Variants in BRF2 observed in about 807,000 individuals in gnomAD.
The protein encoded by BRF2 is transcription factor IIIB 50 kDa subunit.
A neutral mutation model predicts 26.6 loss-of-function variants in BRF2; 17 were observed. That is an observed-to-expected ratio of 0.64 (90% CI 0.44 to 0.96). The LOEUF is 0.96. Ranked by LOEUF, BRF2 falls within the 40% of genes least tolerant of loss-of-function variation. The pLI is 0.00. For missense variants in BRF2, 515 were observed against 537.0 expected, an observed-to-expected ratio of 0.96 and a Z score of 0.40; for synonymous variants, 219 against 226.6, an observed-to-expected ratio of 0.97 and a Z score of 0.30.
chr8:37,844,540 T>C lies in BRF2; in HGVS notation c.1210A>G (p.Arg404Gly), dbSNP rs1415560580. Residue 404 changes from arginine to glycine, a missense_variant, in exon 4 of 4, where the codon AGA becomes GGA. Arg to Gly is a moderately radical substitution (Grantham distance 125). Coordinates refer to ENST00000220659, the MANE Select transcript of BRF2 (RefSeq NM_018310.4). ...GCAGCCTGTCTAGCAGCCTGGGCTC[T>C]CTGAAAGTCCCTAACTTCCTGAGGG... ...RTPQEVRDFQ[R>G]AQAARQAATS... The C allele has an allele frequency of 4.3e-6, 7 of 1,613,726 alleles. No individual in the cohort carries two copies. The East Asian group carries it at 1.1e-4, about 26-fold the overall frequency.
chr8:37,849,753 C>T lies in BRF2; in HGVS notation c.31G>A (p.Gly11Ser), dbSNP rs1182398775. ...GAGTCTTCCACCAGCTCCGTGGAGC[C>T]GCAGTCCGGGCAGCGGCCTCTGCCT... MPGRGRCPDCGSTELVEDSHY... is the reference protein window; with the variant it reads MPGRGRCPDCSSTELVEDSHY... The change falls in exon 1 of 4, where the codon GGC becomes AGC. Residue 11 changes from glycine (G) to serine (S), a missense_variant. Physicochemically the swap from Gly to Ser is moderately conservative, Grantham distance 56. Coordinates refer to ENST00000220659, the MANE Select transcript of BRF2 (RefSeq NM_018310.4). 2.5e-6 allele frequency: 4 copies of T among 1,612,620 alleles called. No individual in the cohort carries two copies. Among genetic ancestry groups the T allele is most frequent in the South Asian group, 2.2e-5 (2 of 91,024 alleles).
At chr8:37,848,899 C>T (rs1463274715) in intron 1 of BRF2, among the ~76,000 whole-genome samples, 1 of 152,180 alleles carries the variant, frequency 6.6e-6, no homozygotes, top group African/African-American at 2.4e-5. Context: ...CAGTACATTC[C>T]ATACAGGCAA....
Position 37,844,439 on chromosome 8 carries a change from GAATGTTATCAA to G in BRF2, c.*40_*50del. On this transcript the variant is annotated 3_prime_UTR_variant, in exon 4 of 4. Coordinates refer to ENST00000220659, the MANE Select transcript of BRF2 (RefSeq NM_018310.4). ...ACACTTCCATCCTTGGTTATAACAG[GAATGTTATCAA>G]GCTGTCAGAACAGGATGAAGTGCTC... The G allele has an allele frequency of 6.3e-7, 1 of 1,583,594 alleles. No individual in the cohort carries two copies. Among genetic ancestry groups the G allele is most frequent in the Non-Finnish European group, 8.6e-7 (1 of 1,162,224 alleles).
At position 37,844,641 on chromosome 8, in the gene BRF2, C is replaced by T; in HGVS notation, c.1109G>A (p.Cys370Tyr). The T allele has an allele frequency of 6.2e-7, 1 of 1,614,124 alleles. No individual in the cohort carries two copies. The highest frequency in any genetic ancestry group is 1.1e-5 in the South Asian group (1 of 91,082). Reference protein sequence around the residue: ...PCMLKSPKRICPVPPVSTVTG... With the variant: ...PCMLKSPKRIYPVPPVSTVTG... ...GACAGTGGAGACAGGGGGTACAGGGCAGATCCGCTTCGGGGACTTCAACAT... is the reference window on the plus strand; with the variant it reads ...GACAGTGGAGACAGGGGGTACAGGGTAGATCCGCTTCGGGGACTTCAACAT... The change falls in exon 4 of 4, where the codon TGC (cysteine) becomes TAC (tyrosine). Residue 370 changes from cysteine (C) to tyrosine (Y), a missense_variant. By Grantham distance (194) the Cys-to-Tyr change is radical. Coordinates refer to ENST00000220659, the MANE Select transcript of BRF2 (RefSeq NM_018310.4).
In BRF2 at chr8:37,847,098, G is replaced by A; in HGVS notation, c.292C>T (p.Gln98Ter). 1 of 1,614,218 alleles carries A rather than the reference G, an allele frequency of 6.2e-7. No individual in the cohort carries two copies. Among genetic ancestry groups the A allele is most frequent in the Non-Finnish European group, 8.5e-7 (1 of 1,180,026 alleles). ...TFEDTAVAYY[Q>*]QAYRHSGIRA... Reference sequence around the variant, plus strand: ...ATGCCAGAGTGCCGATATGCCTGTTGGTAGTAGGCAACCGCGGTATCCTCA... The same window carrying A: ...ATGCCAGAGTGCCGATATGCCTGTTAGTAGTAGGCAACCGCGGTATCCTCA... The change falls in exon 3 of 4, where the codon CAA (glutamine) becomes TAA (stop). Residue 98 changes from glutamine (Q) to a stop codon, truncating the protein, a stop_gained. Transcript: ENST00000220659. LOFTEE classifies it high-confidence loss of function.
chr8:37,845,328 G>A, intron 3 of BRF2, 115 bp from the exon 4 acceptor site: 1 of 797,436 alleles, frequency 1.3e-6, no homozygotes, highest in Non-Finnish European at 2.1e-6. Context: ...GAATACTCAA[G>A]CTCACTGGGC....
rs1805900575 is a variant in BRF2 at position 37,844,110 on chromosome 8, C to T, written c.*380G>A. 4.4e-6 allele frequency: 1 copy of T among 229,748 alleles called. No individual in the cohort carries two copies. Among genetic ancestry groups the T allele is most frequent in the South Asian group, 8.1e-5 (1 of 12,320 alleles). The allele number at this position is 229,748 out of a possible 1,614,324, so 14.2% of individuals were successfully genotyped here. A position where few individuals can be genotyped will look rare whatever the true frequency, so the allele number is the denominator to read the frequency against. On this transcript the variant is annotated 3_prime_UTR_variant, in exon 4 of 4. Transcript: ENST00000220659. ...CCCGCTCCTCTGAGGGTTGATACTGCTGGGAATGCCAACCACTCCACAAGC... is the reference window on the plus strand; with the variant it reads ...CCCGCTCCTCTGAGGGTTGATACTGTTGGGAATGCCAACCACTCCACAAGC...
chr8:37,847,057 C>A lies in BRF2; in HGVS notation c.333G>T (p.Leu111=), dbSNP rs368718686. The change falls in exon 3 of 4, where the codon CTG becomes CTT. Residue 111 remains leucine (L), a synonymous_variant. Transcript: ENST00000220659. ...YRHSGIRAAR[L]QKKEVLVGCC... ...ACCCAACCAACACCTCCTTCTTTTGCAGCCTGGCCGCTCGGATGCCAGAGT... is the reference window on the plus strand; with the variant it reads ...ACCCAACCAACACCTCCTTCTTTTGAAGCCTGGCCGCTCGGATGCCAGAGT... 1.2e-6 allele frequency: 2 copies of A among 1,614,244 alleles called. No homozygotes were observed. The highest frequency in any genetic ancestry group is 3.3e-5 in the Admixed American group (2 of 60,030).
At position 37,849,666 on chromosome 8, in the gene BRF2, G is replaced by A. The variant is rs751506732; in HGVS notation, c.118C>T (p.Leu40Phe). ...DCGCVVTEGV[L>F]TTTFSDEGNL... ...CCCTCGTCGCTGAAGGTAGTGGTAA[G>A]GACCCCCTCGGTGACCACGCAGCCG... is the stretch of plus-strand genomic sequence containing the variant. The change falls in exon 1 of 4, where the codon CTT (leucine) becomes TTT (phenylalanine). Residue 40 changes from leucine to phenylalanine, a missense_variant. Leu to Phe is a conservative substitution (Grantham distance 22). Transcript: ENST00000220659. 5.6e-6 allele frequency: 9 copies of A among 1,613,538 alleles called. No individual in the cohort carries two copies. The highest frequency in any genetic ancestry group is 4.0e-5 in the African/African-American group (3 of 74,914).
rs749691566 is a variant in BRF2 at position 37,845,080 on chromosome 8, G to C, written c.670C>G (p.Pro224Ala). 3.2e-5 allele frequency: 51 copies of C among 1,613,770 alleles called. No homozygotes were observed. In the South Asian group the frequency reaches 3.8e-4, roughly 12 times the overall value. The change falls in exon 4 of 4, where the codon CCC (proline) becomes GCC (alanine). Residue 224 changes from proline (P) to alanine (A), a missense_variant. Physicochemically the swap from Pro to Ala is conservative, Grantham distance 27 (BLOSUM62 -1). Transcript: ENST00000220659. ...AGGAAAGTCGCAGCAGTGATGACGGGCAAGGGATGCCTCCCGGTCACCAGC... is the reference window on the plus strand; with the variant it reads ...AGGAAAGTCGCAGCAGTGATGACGGCCAAGGGATGCCTCCCGGTCACCAGC... The part of the protein sequence containing the change: ...TWLVTGRHPL[P>A]VITAATFLAW...
rs767317187 is a variant in BRF2 at position 37,847,065 on chromosome 8, C to T, written c.325G>A (p.Ala109Thr). 1.2e-6 allele frequency: 2 copies of T among 1,614,216 alleles called. No homozygotes were observed. Among genetic ancestry groups the T allele is most frequent in the Non-Finnish European group, 1.7e-6 (2 of 1,180,042 alleles). ...QAYRHSGIRAARLQKKEVLVG... is the reference protein window; with the variant it reads ...QAYRHSGIRATRLQKKEVLVG... ...AACACCTCCTTCTTTTGCAGCCTGGCCGCTCGGATGCCAGAGTGCCGATAT... is the reference window on the plus strand; with the variant it reads ...AACACCTCCTTCTTTTGCAGCCTGGTCGCTCGGATGCCAGAGTGCCGATAT... Residue 109 changes from alanine to threonine, a missense_variant, in exon 3 of 4, where the codon GCC (alanine) becomes ACC (threonine). Ala to Thr is a moderately conservative substitution (Grantham distance 58, BLOSUM62 0). Transcript: ENST00000220659.
chr8:37,848,084 G>GGACT (rs1176291695), intron 2 of BRF2, among the ~76,000 whole-genome samples: 1 of 150,848 alleles, frequency 6.6e-6, no homozygotes, highest in African/African-American at 2.4e-5. Context: ...CGAGTAGCTG[G>GGACT]GACTACAGGC....
Position 37,844,730 on chromosome 8 carries a change from A to G in BRF2, c.1020T>C (p.Asn340=), listed in dbSNP as rs745598882. ...GQGQGEGEVG[N]NSLGLPQGKR... Reference sequence around the variant, plus strand: ...TCCCCTGGGGTAAACCTAAGGAATTATTTCCCACCTCCCCTTCTCCTTGCC... The same window carrying G: ...TCCCCTGGGGTAAACCTAAGGAATTGTTTCCCACCTCCCCTTCTCCTTGCC... The change falls in exon 4 of 4, where the codon AAT becomes AAC. Residue 340 remains asparagine, a synonymous_variant. Coordinates refer to ENST00000220659, the MANE Select transcript of BRF2 (RefSeq NM_018310.4). 1 of 1,613,930 alleles carries G rather than the reference A, an allele frequency of 6.2e-7. No individual in the cohort carries two copies. The highest frequency in any genetic ancestry group is 2.2e-5 in the East Asian group (1 of 44,868).
intron 2 of BRF2, among the ~76,000 whole-genome samples, chr8:37,847,854 T>C (rs1269456500): frequency 2.0e-5 from 3 of 151,972 alleles, no homozygotes; most frequent in Non-Finnish European, 4.4e-5. Context: ...CATTCTCTTC[T>C]ACTCTACCTC....
intron 2 of BRF2, among the ~76,000 whole-genome samples, chr8:37,847,951 TA>T (rs1220675459): frequency 6.7e-5 from 10 of 149,964 alleles, no homozygotes; most frequent in African/African-American, 2.4e-4. Context: ...TTATTATTAT[TA>T]TTATTATTAT....
rs1272759084 is a variant in BRF2 at position 37,849,660 on chromosome 8, T to C, written c.124A>G (p.Thr42Ala). 1 of 1,613,492 alleles carries C rather than the reference T, an allele frequency of 6.2e-7. No homozygotes were observed. The highest frequency in any genetic ancestry group is 1.3e-5 in the African/African-American group (1 of 75,010). ...AGATTGCCCTCGTCGCTGAAGGTAGTGGTAAGGACCCCCTCGGTGACCACG... is the reference window on the plus strand; with the variant it reads ...AGATTGCCCTCGTCGCTGAAGGTAGCGGTAAGGACCCCCTCGGTGACCACG... ...GCVVTEGVLT[T>A]TFSDEGNLRE... The change falls in exon 1 of 4, where the codon ACT becomes GCT. Residue 42 changes from threonine to alanine, a missense_variant. By Grantham distance (58) the Thr-to-Ala change is moderately conservative (BLOSUM62 0). Coordinates refer to ENST00000220659, the MANE Select transcript of BRF2 (RefSeq NM_018310.4).
intron 2 of BRF2, among the ~76,000 whole-genome samples, chr8:37,848,063 C>T (rs1375844172): frequency 6.6e-6 from 1 of 151,248 alleles, no homozygotes; most frequent in Non-Finnish European, 1.5e-5. Context: ...CATTCTCCTG[C>T]CTCAGCCTCC....
chr8:37,844,369 T>C lies in BRF2; in HGVS notation c.*121A>G. On this transcript the variant is annotated 3_prime_UTR_variant, in exon 4 of 4. Transcript: ENST00000220659. ...AGGGTCCAACTAATGGCAGAGCCCC[T>C]CTTGGTTCCTTCAAACAAGAAAAGC... 1 of 1,357,102 alleles carries C rather than the reference T, an allele frequency of 7.4e-7. No homozygotes were observed. The highest frequency in any genetic ancestry group is 1.0e-6 in the Non-Finnish European group (1 of 985,272). 84.1% of individuals were successfully genotyped at this position (1,357,102 alleles called of 1,614,324 possible).
rs376711257 is a variant in BRF2, at chr8:37,844,396, A to G, written c.*94T>C. ...TTGGTTCCTTCAAACAAGAAAAGCA[A>G]TACCTACGGACTGGTGTACACTTCC... On this transcript the variant is annotated 3_prime_UTR_variant, in exon 4 of 4. Coordinates refer to ENST00000220659, the MANE Select transcript of BRF2 (RefSeq NM_018310.4). The G allele has an allele frequency of 3.3e-5, 50 of 1,503,250 alleles. No homozygotes were observed. In the African/African-American group the frequency reaches 3.8e-4, roughly 11 times the overall value. The allele number at this position is 1,503,250 out of a possible 1,614,324, so 93.1% of individuals were successfully genotyped here. A position where few individuals can be genotyped will look rare whatever the true frequency, so the allele number is the denominator to read the frequency against.
Sources: gnomAD v4.1 joint callset for allele counts (sites outside exome capture counted in the v4.1 genomes callset) on GRCh38, gnomAD v4.1.1 for gene constraint, MANE v1.5 for transcripts, NCBI Gene and HGNC (gene_info 2026-07-23, HGNC 2026-07-21) for gene names.